Variants in SASH1 observed in about 807,000 individuals in gnomAD.
SASH1 encodes the protein SAM and SH3 domain containing 1, also known as SAM and SH3 domain-containing protein 1.
Under a neutral mutation model 125.2 loss-of-function variants are expected in SASH1, and 44 were observed. The observed-to-expected ratio is 0.35, with a 90% CI of 0.28 to 0.45. The LOEUF is 0.45. SASH1 is among the 20% of genes least tolerant of loss of function. The pLI is 1.00. For synonymous variants in SASH1, 639 were observed against 649.1 expected, an observed-to-expected ratio of 0.98 and a Z score of 0.24; for missense variants, 1,426 against 1,614.5, an observed-to-expected ratio of 0.88 and a Z score of 2.00.
chr6:148,379,582 A>T (rs1355908039), intron 1 of SASH1, among the ~76,000 whole-genome samples: 1 of 152,154 alleles, frequency 6.6e-6, no homozygotes, highest in East Asian at 1.9e-4. Flanking sequence ...AGAGGGATCA[A>T]CTTTACTGCC....
At chr6:148,522,113 G>T (rs111682346) in intron 10 of SASH1, among the ~76,000 whole-genome samples, 2,153 of 152,294 alleles carry the variant, frequency 0.014, 52 homozygotes, top group African/African-American at 0.047. Flanking sequence ...CACCTAACGT[G>T]CTCCTGTGTA....
chr6:148,446,239 G>C (rs913165276), intron 4 of SASH1, among the ~76,000 whole-genome samples: 10 of 151,618 alleles, frequency 6.6e-5, no homozygotes, highest in Non-Finnish European at 1.0e-4. Context: ...CTCCCCAGTA[G>C]CTGGGACTAC....
chr6:148,476,603 C>T (rs1189840009), intron 7 of SASH1, among the ~76,000 whole-genome samples: 2 of 152,020 alleles, frequency 1.3e-5, no homozygotes, highest in Non-Finnish European at 2.9e-5. Flanking sequence ...TAGCTTGAAT[C>T]GGGGAGGCGG....
intron 4 of SASH1, among the ~76,000 whole-genome samples, chr6:148,450,062 T>G (rs1323108033): frequency 6.6e-6 from 1 of 152,192 alleles, no homozygotes; most frequent in African/African-American, 2.4e-5. Flanking sequence ...AATTTCATCA[T>G]GAGTTTCAGT....
At chr6:148,289,133 T>C (rs1266388838) in intron 1 of SASH1, among the ~76,000 whole-genome samples, 2 of 152,156 alleles carry the variant, frequency 1.3e-5, no homozygotes, top group African/African-American at 4.8e-5. Context: ...TTTTCTTTTT[T>C]ACTGTGTAAA....
intron 1 of SASH1, among the ~76,000 whole-genome samples, chr6:148,298,014 AT>A (rs200681149): frequency 1.2e-4 from 16 of 137,818 alleles, no homozygotes; most frequent in Admixed American, 2.4e-4. Context: ...TTATATATAT[AT>A]TTTTTTTTTG....
Position 148,543,882 on chromosome 6 carries a change from G to C in SASH1, c.2412G>C (p.Val804=). The change falls in exon 18 of 20, where the codon GTG becomes GTC. Residue 804 remains valine, a synonymous_variant. Coordinates refer to ENST00000367467, the MANE Select transcript of SASH1 (RefSeq NM_015278.5). ...DTSKSCDPPG[V]TGLNKNRRSL... Reference sequence around the variant, plus strand: ...CCAAGAGCTGTGACCCACCTGGTGTGACTGGTTTGAATAAAAACCGAAGAA... The same window carrying C: ...CCAAGAGCTGTGACCCACCTGGTGTCACTGGTTTGAATAAAAACCGAAGAA... 2.5e-6 allele frequency: 4 copies of C among 1,614,210 alleles called. No homozygotes were observed. The African/African-American group carries it at 5.3e-5, about 22-fold the overall frequency.
At chr6:148,200,238 T>C in the SASH1 span, among the ~76,000 whole-genome samples, 1 of 152,262 alleles carries the variant, frequency 6.6e-6, no homozygotes, top group Non-Finnish European at 1.5e-5. Flanking sequence ...AAAATATTCA[T>C]GTATATTTTC....
chr6:148,216,856 G>A, the SASH1 span, among the ~76,000 whole-genome samples: 40 of 152,010 alleles, frequency 2.6e-4, no homozygotes, highest in African/African-American at 9.2e-4. Flanking sequence ...TCAGGCTCCC[G>A]AGTAGCTGGA....
At chr6:148,238,350 A>C in the SASH1 span, among the ~76,000 whole-genome samples, 1 of 151,850 alleles carries the variant, frequency 6.6e-6, no homozygotes, top group Non-Finnish European at 1.5e-5. Flanking sequence ...CAGTCTCCCA[A>C]GTAGCTGGAA....
chr6:148,529,703 A>G lies in SASH1; in HGVS notation c.1429-1823A>G, dbSNP rs1781394590. Among the ~76,000 whole-genome samples the G allele has an allele frequency of 6.6e-6, 1 of 152,204 alleles. No individual in the cohort carries two copies. Among genetic ancestry groups the G allele is most frequent in the African/African-American group, 2.4e-5 (1 of 41,442 alleles). The stretch of plus-strand genomic sequence containing the variant: ...TTATGTGCTTAGTTCTGTTTTTTTA[A>G]AGCAGCCATTTCACATAAGTTAAGG... On this transcript the variant is annotated intron_variant, in intron 12 of 19. Coordinates refer to ENST00000367467, the MANE Select transcript of SASH1 (RefSeq NM_015278.5). The surrounding 1 kb of genome is among the most constrained non-coding windows in gnomAD (Gnocchi z 4.2).
At chr6:148,351,049 A>G (rs530108406) in intron 1 of SASH1, among the ~76,000 whole-genome samples, 2 of 152,252 alleles carry the variant, frequency 1.3e-5, no homozygotes, top group African/African-American at 4.8e-5. Context: ...GAGATAACCT[A>G]TCTTGTATCT....
intron 2 of SASH1, among the ~76,000 whole-genome samples, chr6:148,426,969 A>G (rs1248615687): frequency 6.6e-6 from 1 of 152,070 alleles, no homozygotes; most frequent in African/African-American, 2.4e-5. Context: ...CCCCATCTCT[A>G]TTAAAAATAC....
intron 8 of SASH1, chr6:148,508,952 C>T (rs1353356879): frequency 4.2e-6 from 3 of 713,470 alleles, no homozygotes; most frequent in Middle Eastern, 2.7e-4. Flanking sequence ...TTTTGCTGCT[C>T]CTGCCTATGA....
chr6:148,336,457 C>T (rs1452592288), intron 1 of SASH1, among the ~76,000 whole-genome samples: 2 of 152,034 alleles, frequency 1.3e-5, no homozygotes, highest in Non-Finnish European at 2.9e-5. Flanking sequence ...GGATTACAGG[C>T]GTGAGCCACC....
At chr6:148,482,667 A>T (rs1778677096) in intron 7 of SASH1, among the ~76,000 whole-genome samples, 1 of 144,432 alleles carries the variant, frequency 6.9e-6, no homozygotes. Flanking sequence ...GACTCTAGGC[A>T]TGTGCCACCA....
intron 1 of SASH1, among the ~76,000 whole-genome samples, chr6:148,323,052 G>C (rs1476110829): frequency 6.9e-6 from 1 of 145,616 alleles, no homozygotes; most frequent in Non-Finnish European, 1.5e-5. Flanking sequence ...TTTGAGACAG[G>C]GTTCTAGCTC....
chr6:148,517,771 T>C (rs1430953585), intron 9 of SASH1, among the ~76,000 whole-genome samples: 2 of 152,166 alleles, frequency 1.3e-5, no homozygotes, highest in African/African-American at 4.8e-5. Context: ...CACCAAAGTA[T>C]TGGAATCTCT....
intron 2 of SASH1, among the ~76,000 whole-genome samples, chr6:148,439,243 G>A (rs542774634): frequency 6.6e-6 from 1 of 152,208 alleles, no homozygotes; most frequent in South Asian, 2.1e-4. Flanking sequence ...TGATTCTTCT[G>A]CCTCTCACAA....
Sources: allele counts gnomAD v4.1 joint callset (sites outside exome capture counted in the v4.1 genomes callset), GRCh38; gene constraint gnomAD v4.1.1; non-coding constraint Gnocchi (gnomAD v3.1); transcripts MANE v1.5; gene names NCBI Gene and HGNC (gene_info 2026-07-23, HGNC 2026-07-21).